The following ITGBL1 variants were observed in gnomAD, a reference collection of about 807,000 sequenced individuals.
ITGBL1 encodes integrin beta-like protein 1.
Under a neutral mutation model 68.5 loss-of-function variants are expected in ITGBL1, and 51 were observed. The observed-to-expected ratio is 0.74, with a 90% CI of 0.59 to 0.94. The LOEUF (loss-of-function observed/expected upper bound fraction) is 0.94, where lower values mean the gene tolerates loss of function less well. Ranked by LOEUF, ITGBL1 falls within the 40% of genes least tolerant of loss-of-function variation. ITGBL1 has a pLI of 0.00. For synonymous variants in ITGBL1, 209 were observed against 227.3 expected (o/e 0.92, Z 0.72); for missense variants, 649 against 647.4 (o/e 1.00, Z -0.03).
chr13:101,629,505 A>G (rs1269719073), intron 7 of ITGBL1, among the ~76,000 whole-genome samples: 2 of 152,078 alleles, frequency 1.3e-5, no homozygotes, highest in Non-Finnish European at 2.9e-5. Flanking sequence ...GTCAGTATTC[A>G]TTTTATATCA....
rs187942516 is a variant in ITGBL1 at position 101,588,212 on chromosome 13, A to G, written c.868+4856A>G. Among the ~76,000 whole-genome samples the G allele has an allele frequency of 3.3e-5, 5 of 151,838 alleles. No homozygotes were observed. The East Asian group carries it at 9.7e-4, about 29-fold the overall frequency. On this transcript the variant is annotated intron_variant, in intron 6 of 10. Transcript: ENST00000376180. ...CACTCAATGGCTGCTCTTGCTGCAA[A>G]TCTTCCTTTTCGTATGGGTATTTTG...
chr13:101,695,987 T>C (rs909138970), intron 8 of ITGBL1, among the ~76,000 whole-genome samples: 1 of 152,202 alleles, frequency 6.6e-6, no homozygotes, highest in African/African-American at 2.4e-5. Flanking sequence ...GAAAGCTGTT[T>C]ACGGAATCAT....
At chr13:101,675,305 T>C (rs2033475005) in intron 7 of ITGBL1, among the ~76,000 whole-genome samples, 1 of 152,168 alleles carries the variant, frequency 6.6e-6, no homozygotes, top group South Asian at 2.1e-4. Context: ...TTATGTTCCA[T>C]GTCTCAGATC....
At chr13:101,601,220 C>T (rs571733969) in intron 7 of ITGBL1, among the ~76,000 whole-genome samples, 66 of 152,240 alleles carry the variant, frequency 4.3e-4, no homozygotes, top group Non-Finnish European at 6.6e-4. Context: ...AGTTTATTTG[C>T]GTAGAGGTGT....
intron 6 of ITGBL1, among the ~76,000 whole-genome samples, chr13:101,592,038 A>G (rs2050664369): frequency 6.6e-6 from 1 of 152,156 alleles, no homozygotes; most frequent in South Asian, 2.1e-4. Flanking sequence ...AAATGAAGAA[A>G]CTGAAACTCA....
intron 2 of ITGBL1, among the ~76,000 whole-genome samples, chr13:101,477,317 C>T (rs2048552674): frequency 6.6e-6 from 1 of 151,686 alleles, no homozygotes; most frequent in African/African-American, 2.4e-5. Context: ...CATACCCAAA[C>T]CTATGGAATA....
chr13:101,608,174 C>G lies in ITGBL1; in HGVS notation c.1015+9875C>G, dbSNP rs1352481458. ...GTCCTCATTTTTATCAATTAGCATG[C>G]TTTAATTAATGAATTAAGAATTGTT... is the stretch of plus-strand genomic sequence containing the variant. On this transcript the variant is annotated intron_variant, in intron 7 of 10. Coordinates refer to ENST00000376180, the MANE Select transcript of ITGBL1 (RefSeq NM_004791.3). 2.6e-5 allele frequency among the ~76,000 whole-genome samples: 4 copies of G among 152,116 alleles called. No homozygotes were observed. In the East Asian group the frequency reaches 7.7e-4, roughly 29 times the overall value.
chr13:101,452,898 C>G lies in ITGBL1; in HGVS notation c.65C>G (p.Ser22Ter). Reference protein sequence around the residue: ...LASSLLFAGLSAVPQSFSPSL... With the variant: ...LASSLLFAGL ...TCCTCCCTTCTCTTTGCTGGGTTGT[C>G]AGCTGTTCCTCAAAGCTTCTCGCCA... is the stretch of plus-strand genomic sequence containing the variant. Residue 22 changes from serine to a stop codon, truncating the protein, a stop_gained, in exon 1 of 11, where the codon TCA becomes TGA. Coordinates refer to ENST00000376180, the MANE Select transcript of ITGBL1 (RefSeq NM_004791.3). LOFTEE classifies it high-confidence loss of function. 6.2e-7 allele frequency: 1 copy of G among 1,614,192 alleles called. No individual in the cohort carries two copies. Among genetic ancestry groups the G allele is most frequent in the Non-Finnish European group, 8.5e-7 (1 of 1,180,032 alleles).
chr13:101,567,674 T>G, intron 2 of ITGBL1, 25 bp from the exon 3 acceptor site: 1 of 1,603,940 alleles, frequency 6.2e-7, no homozygotes, highest in Non-Finnish European at 8.5e-7. Context: ...AATTTGAGTC[T>G]GACTAGATGT....
chr13:101,522,097 T>C (rs749679912), intron 2 of ITGBL1, among the ~76,000 whole-genome samples: 14 of 152,016 alleles, frequency 9.2e-5, no homozygotes, highest in Non-Finnish European at 1.6e-4. Flanking sequence ...TTCCTATTCT[T>C]ATAAAAACAC....
intron 2 of ITGBL1, among the ~76,000 whole-genome samples, chr13:101,461,571 CTG>C (rs937584456): frequency 1.3e-5 from 2 of 152,096 alleles, no homozygotes; most frequent in African/African-American, 4.8e-5. Flanking sequence ...TGGTGGGTGA[CTG>C]TAGTGCCAGC....
intron 7 of ITGBL1, among the ~76,000 whole-genome samples, chr13:101,688,140 C>G (rs2033798256): frequency 6.6e-6 from 1 of 152,118 alleles, no homozygotes; most frequent in Non-Finnish European, 1.5e-5. Context: ...ATGTCAGCAT[C>G]CTTCTACTAC....
At chr13:101,653,543 T>C (rs2032820109) in intron 7 of ITGBL1, among the ~76,000 whole-genome samples, 1 of 152,160 alleles carries the variant, frequency 6.6e-6, no homozygotes, top group African/African-American at 2.4e-5. Context: ...GTGTTCAAAA[T>C]AGAATCTTTG....
intron 3 of ITGBL1, among the ~76,000 whole-genome samples, chr13:101,574,912 A>G (rs189083970): frequency 6.6e-6 from 1 of 152,308 alleles, no homozygotes; most frequent in Non-Finnish European, 1.5e-5. Context: ...AATGCTGAGG[A>G]GGAGAAATTA....
At chr13:101,554,204 G>A (rs578085191) in intron 2 of ITGBL1, among the ~76,000 whole-genome samples, 3 of 152,130 alleles carry the variant, frequency 2.0e-5, no homozygotes, top group Admixed American at 6.5e-5. Flanking sequence ...GTGGTACTGG[G>A]GTCTAAGTTT....
intron 7 of ITGBL1, among the ~76,000 whole-genome samples, chr13:101,623,083 T>G (rs1290980117): frequency 1.3e-5 from 2 of 152,176 alleles, no homozygotes; most frequent in African/African-American, 4.8e-5. Context: ...AACGTGATTT[T>G]TGAAAATCAC....
chr13:101,467,229 C>A (rs143597028), intron 2 of ITGBL1, among the ~76,000 whole-genome samples: 211 of 152,296 alleles, frequency 1.4e-3, no homozygotes, highest in Non-Finnish European at 2.6e-3. Flanking sequence ...AGCAGCCGGT[C>A]TACTAGCTGA....
chr13:101,564,414 C>T lies in ITGBL1; in HGVS notation c.317-3285C>T, dbSNP rs530188840. 1.9e-4 allele frequency among the ~76,000 whole-genome samples: 29 copies of T among 151,656 alleles called. No individual in the cohort carries two copies. The East Asian group carries it at 2.9e-3, about 15-fold the overall frequency. On this transcript the variant is annotated intron_variant, in intron 2 of 10. Coordinates refer to ENST00000376180, the MANE Select transcript of ITGBL1 (RefSeq NM_004791.3). ...TCTTCAAAAGATACTGTTAATAGAA[C>T]AAAAGGCAAGTCACAAATTGGGAGA...
At chr13:101,540,711 G>A (rs2049681231) in intron 2 of ITGBL1, among the ~76,000 whole-genome samples, 1 of 152,072 alleles carries the variant, frequency 6.6e-6, no homozygotes, top group South Asian at 2.1e-4. Context: ...CCATTCGTTT[G>A]TATGCTCTTT....
Sources: allele counts gnomAD v4.1 joint callset (sites outside exome capture counted in the v4.1 genomes callset), GRCh38; gene constraint gnomAD v4.1.1; transcripts MANE v1.5; gene names NCBI Gene and HGNC (gene_info 2026-07-23, HGNC 2026-07-21).